Variants in POSTN observed in about 807,000 individuals in gnomAD.
POSTN encodes the protein osteoblast specific factor 2 (fasciclin I-like).
In POSTN, 71 loss-of-function variants were observed where a neutral mutation model predicts 104.5. The ratio of observed to expected loss-of-function variants is 0.68; its 90% CI spans 0.56 to 0.83. POSTN has a LOEUF of 0.83. POSTN is among the 40% of genes least tolerant of loss of function. POSTN has a pLI of 0.00. For missense variants in POSTN, 949 were observed against 1,006.8 expected (o/e 0.94, Z 0.78); for synonymous variants, 355 against 340.7 (o/e 1.04, Z -0.46).
chr13:37,591,051 C>T (rs186001675), intron 3 of POSTN, among the ~76,000 whole-genome samples: 1 of 152,016 alleles, frequency 6.6e-6, no homozygotes, highest in African/African-American at 2.4e-5. Context: ...TTTTTTCTGA[C>T]CCTATTTATT....
At chr13:37,569,206 A>G in intron 21 of POSTN, 94 bp downstream of exon 21, 1 of 842,128 alleles carries the variant, frequency 1.2e-6, no homozygotes, top group Non-Finnish European at 1.9e-6. Context: ...TTTTTAACCC[A>G]ATTAAAAGAA....
chr13:37,590,153 T>C (rs192368386), intron 4 of POSTN, among the ~76,000 whole-genome samples: 21 of 152,226 alleles, frequency 1.4e-4, no homozygotes, highest in African/African-American at 4.8e-4. Flanking sequence ...TTGATTCCCC[T>C]TCTTAAAAAA....
chr13:37,572,376 GT>G (rs1208492754), intron 17 of POSTN, among the ~76,000 whole-genome samples: 1 of 151,420 alleles, frequency 6.6e-6, no homozygotes, highest in Non-Finnish European at 1.5e-5. Context: ...TAAAAGTAAA[GT>G]TTTTTGAAAC....
chr13:37,591,519 A>G (rs1417122625), intron 3 of POSTN, among the ~76,000 whole-genome samples: 2 of 152,246 alleles, frequency 1.3e-5, no homozygotes, highest in African/African-American at 4.8e-5. Context: ...GGTTGGTGTT[A>G]TAATGGGGAG....
intron 22 of POSTN, among the ~76,000 whole-genome samples, chr13:37,564,239 A>T (rs1217012372): frequency 7.6e-6 from 1 of 131,356 alleles, no homozygotes; most frequent in African/African-American, 2.7e-5. Flanking sequence ...TGTATGGAGA[A>T]TATACACTTG....
At position 37,582,375 on chromosome 13, in the gene POSTN, T is replaced by G; in HGVS notation, c.1383A>C (p.Val461=). ...TIGGKQLRVF[V]YRTAVCIENS... is the part of the protein sequence containing the mutation. ...GTTGTGATTCACTTACTGTACGATA[T>G]ACGAAGACTCTGAGCTGTTTGCCTC... The change falls in exon 10 of 23, where the codon GTA becomes GTC. Residue 461 remains valine, a synonymous_variant. Coordinates refer to ENST00000379747, the MANE Select transcript of POSTN (RefSeq NM_006475.3). The G allele has an allele frequency of 6.2e-7, 1 of 1,611,134 alleles. No individual in the cohort carries two copies. The highest frequency in any genetic ancestry group is 8.5e-7 in the Non-Finnish European group (1 of 1,179,216).
At chr13:37,578,425 A>G (rs1188955559) in intron 15 of POSTN, among the ~76,000 whole-genome samples, 1 of 152,190 alleles carries the variant, frequency 6.6e-6, no homozygotes, top group African/African-American at 2.4e-5. Flanking sequence ...AGCCCAGTAC[A>G]TACTTACTTA....
intron 2 of POSTN, among the ~76,000 whole-genome samples, chr13:37,595,632 T>A (rs1951062141): frequency 6.6e-6 from 1 of 152,162 alleles, no homozygotes; most frequent in African/African-American, 2.4e-5. Flanking sequence ...CCTGTCTACA[T>A]CTATGCATTT....
chr13:37,579,370 A>T lies in POSTN; in HGVS notation c.1661-11T>A. On this transcript the variant is annotated splice_polypyrimidine_tract_variant and intron_variant, in intron 12 of 22. Transcript: ENST00000379747. ...GAGCATTTTTGTCCCCTAGGGGAAAATATATGTTTATTTTTATTGAATAAT... is the reference window on the plus strand; with the variant it reads ...GAGCATTTTTGTCCCCTAGGGGAAATTATATGTTTATTTTTATTGAATAAT... 1 of 1,541,320 alleles carries T rather than the reference A, an allele frequency of 6.5e-7. No homozygotes were observed. The highest frequency in any genetic ancestry group is 2.3e-5 in the East Asian group (1 of 44,382).
At position 37,598,745 on chromosome 13, in the gene POSTN, A is replaced by G; in HGVS notation, c.-19T>C. 6.2e-7 allele frequency: 1 copy of G among 1,611,208 alleles called. No homozygotes were observed. The highest frequency in any genetic ancestry group is 8.5e-7 in the Non-Finnish European group (1 of 1,177,954). On this transcript the variant is annotated 5_prime_UTR_variant, in exon 1 of 23. Transcript: ENST00000379747. ...GAATCATCTTGAGTCTCTCCGTTGCAGTTAGTCCCCGAAGAGAACTGGCAG... is the reference window on the plus strand; with the variant it reads ...GAATCATCTTGAGTCTCTCCGTTGCGGTTAGTCCCCGAAGAGAACTGGCAG...
intron 10 of POSTN, among the ~76,000 whole-genome samples, 168 bp from the exon 11 acceptor site, chr13:37,580,865 CA>C (rs1298352473): frequency 6.6e-6 from 1 of 152,170 alleles, no homozygotes; most frequent in African/African-American, 2.4e-5. Flanking sequence ...CACACAAACT[CA>C]CAAGACACTT....
intron 21 of POSTN, among the ~76,000 whole-genome samples, chr13:37,566,264 C>T (rs538728486): frequency 2.6e-5 from 4 of 152,272 alleles, no homozygotes; most frequent in African/African-American, 9.6e-5. Flanking sequence ...TATATTGGCA[C>T]AAAGAACCAC....
intron 5 of POSTN, 102 bp downstream of exon 5, chr13:37,587,720 T>C: frequency 1.0e-6 from 1 of 976,288 alleles, no homozygotes; most frequent in East Asian, 2.6e-5. Flanking sequence ...CTTACCTTAT[T>C]CTCACTAACA....
In POSTN at chr13:37,587,829, G is replaced by T; in HGVS notation, c.599C>A (p.Pro200His). Reference protein sequence around the residue: ...NNLGLFINHYPNGVVTVNCAR... With the variant: ...NNLGLFINHYHNGVVTVNCAR... ...TTTACTGATAAAACTTACCCCATTAGGATAATGGTTAATGAAAAGCCCCAA... is the reference window on the plus strand; with the variant it reads ...TTTACTGATAAAACTTACCCCATTATGATAATGGTTAATGAAAAGCCCCAA... The change falls in exon 5 of 23, where the codon CCT (proline) becomes CAT (histidine). Residue 200 changes from proline to histidine, a missense_variant. By Grantham distance (77) the Pro-to-His change is moderately conservative. Transcript: ENST00000379747. 1.3e-6 allele frequency: 2 copies of T among 1,593,178 alleles called. No homozygotes were observed. Among genetic ancestry groups the T allele is most frequent in the South Asian group, 1.1e-5 (1 of 89,474 alleles).
chr13:37,595,837 G>A (rs1449650351), intron 2 of POSTN, among the ~76,000 whole-genome samples: 1 of 145,470 alleles, frequency 6.9e-6, no homozygotes, highest in Non-Finnish European at 1.5e-5. Context: ...TTGAGACAGA[G>A]TCTCACTCTG....
chr13:37,597,214 C>A lies in POSTN; in HGVS notation c.188G>T (p.Trp63Leu), dbSNP rs547738963. 1 of 1,574,714 alleles carries A rather than the reference C, an allele frequency of 6.4e-7. No individual in the cohort carries two copies. Among genetic ancestry groups the A allele is most frequent in the Non-Finnish European group, 8.6e-7 (1 of 1,166,064 alleles). The change falls in exon 2 of 23, where the codon TGG becomes TTG. Residue 63 changes from tryptophan to leucine, a missense_variant. By Grantham distance (61) the Trp-to-Leu change is moderately conservative. Coordinates refer to ENST00000379747, the MANE Select transcript of POSTN (RefSeq NM_006475.3). ...KKKYFSTCKN[W>L]YKKSICGQKT... The stretch of plus-strand genomic sequence containing the variant: ...CTGTCCACAGATGGACTTTTTATAC[C>A]AGTTCTTACAAGTGCTGAAGTATTT...
At position 37,579,032 on chromosome 13, in the gene POSTN, G is replaced by C; in HGVS notation, c.1881C>G (p.Leu627=). The C allele has an allele frequency of 6.2e-7, 1 of 1,613,176 alleles. No individual in the cohort carries two copies. Among genetic ancestry groups the C allele is most frequent in the South Asian group, 1.1e-5 (1 of 91,014 alleles). ...ATAATTACAAACCTGCTGGATAGAG[G>C]AGTTTATCTACAACATGAATTACAC... ...TNGVIHVVDK[L]LYPADTPVGN... Residue 627 remains leucine (L), a synonymous_variant, in exon 14 of 23, where the codon CTC becomes CTG. Transcript: ENST00000379747.
intron 22 of POSTN, among the ~76,000 whole-genome samples, chr13:37,563,954 T>C (rs956641205): frequency 1.3e-5 from 2 of 151,706 alleles, no homozygotes; most frequent in Non-Finnish European, 3.0e-5. Context: ...ATAATCTACA[T>C]ATTTAAATGA....
rs745319262 is a variant in POSTN at position 37,586,834 on chromosome 13, C to G, written c.701G>C (p.Gly234Ala). 18 of 1,612,554 alleles carry G rather than the reference C, an allele frequency of 1.1e-5. No individual in the cohort carries two copies. The highest frequency in any genetic ancestry group is 1.4e-5 in the Non-Finnish European group (17 of 1,179,072). ...HVIDRVLTQI[G>A]TSIQDFIEAE... ...TTCAATGAAGTCTTGAATTGAGGTA[C>G]CAATTTGTGTAAGCACACGGTCAAT... The change falls in exon 6 of 23, where the codon GGT (glycine) becomes GCT (alanine). Residue 234 changes from glycine (G) to alanine (A), a missense_variant. By Grantham distance (60) the Gly-to-Ala change is moderately conservative. Coordinates refer to ENST00000379747, the MANE Select transcript of POSTN (RefSeq NM_006475.3).
Sources: allele counts gnomAD v4.1 joint callset (sites outside exome capture counted in the v4.1 genomes callset), GRCh38; gene constraint gnomAD v4.1.1; transcripts MANE v1.5; gene names NCBI Gene and HGNC (gene_info 2026-07-23, HGNC 2026-07-21).